Variants in ACAD11 observed in about 807,000 individuals in gnomAD.
The protein encoded by ACAD11 is acyl-Coenzyme A dehydrogenase family, member 11.
A neutral mutation model predicts 102.2 loss-of-function variants in ACAD11; 83 were observed. The ratio of observed to expected loss-of-function variants is 0.81; its 90% CI spans 0.68 to 0.97. The LOEUF is 0.97. Ranked by LOEUF, ACAD11 falls within the 50% of genes least tolerant of loss-of-function variation. ACAD11 has a pLI of 0.00. For missense variants in ACAD11, 901 were observed against 951.7 expected (o/e 0.95, Z 0.70); for synonymous variants, 324 against 319.8 (o/e 1.01, Z -0.14).
intron 15 of ACAD11, among the ~76,000 whole-genome samples, chr3:132,577,221 T>C (rs1937536479): frequency 6.8e-6 from 1 of 147,508 alleles, no homozygotes; most frequent in Non-Finnish European, 1.5e-5. Context: ...AGAAACCCTT[T>C]GATCCAGATG....
intron 15 of ACAD11, among the ~76,000 whole-genome samples, chr3:132,577,616 G>A (rs1005217697): frequency 6.6e-6 from 1 of 152,118 alleles, no homozygotes; most frequent in Non-Finnish European, 1.5e-5. Context: ...ACTGAGGCCA[G>A]GAACACGTTC....
chr3:132,641,962 G>T lies in ACAD11; in HGVS notation c.537+10C>A. On this transcript the variant is annotated intron_variant, in intron 4 of 19. Coordinates refer to ENST00000264990, the MANE Select transcript of ACAD11 (RefSeq NM_032169.5). ...CTTGAAAAAAATAGCTATTAATGTG[G>T]ATGCATTACCTGTCTTTTGCAGTAC... 1.3e-6 allele frequency: 2 copies of T among 1,584,754 alleles called. No individual in the cohort carries two copies. The highest frequency in any genetic ancestry group is 1.7e-6 in the Non-Finnish European group (2 of 1,162,490).
intron 13 of ACAD11, among the ~76,000 whole-genome samples, chr3:132,599,814 T>C (rs952394850): frequency 6.6e-6 from 1 of 152,100 alleles, no homozygotes; most frequent in African/African-American, 2.4e-5. Flanking sequence ...CTAAAGGAGA[T>C]CTTGTTTTAT....
chr3:132,593,353 A>G (rs190295665), intron 13 of ACAD11, among the ~76,000 whole-genome samples: 2 of 152,312 alleles, frequency 1.3e-5, no homozygotes, highest in Non-Finnish European at 2.9e-5. Context: ...TAAGAATAAT[A>G]AAAGAGATTT....
At chr3:132,571,388 G>T in intron 17 of ACAD11, among the ~76,000 whole-genome samples, 2 of 143,130 alleles carry the variant, frequency 1.4e-5, no homozygotes, top group Admixed American at 7.0e-5. Flanking sequence ...CCTTATAGAT[G>T]TTGGATGTTA....
intron 4 of ACAD11, among the ~76,000 whole-genome samples, chr3:132,640,539 G>GT (rs1255696415): frequency 1.3e-5 from 2 of 152,122 alleles, no homozygotes; most frequent in African/African-American, 4.8e-5. Flanking sequence ...GGACCATATT[G>GT]TTTATTTGCT....
intron 1 of ACAD11, among the ~76,000 whole-genome samples, chr3:132,649,563 C>A (rs1940854384): frequency 6.6e-6 from 1 of 152,218 alleles, no homozygotes; most frequent in Non-Finnish European, 1.5e-5. Context: ...CCCACTATCA[C>A]CCTGCTGTCC....
intron 5 of ACAD11, among the ~76,000 whole-genome samples, chr3:132,635,071 TA>T (rs1161349540): frequency 6.7e-6 from 1 of 149,590 alleles, no homozygotes; most frequent in Non-Finnish European, 1.5e-5. Flanking sequence ...TAAATATATA[TA>T]AAATAAAAAT....
At chr3:132,623,280 A>G (rs1448189085) in intron 9 of ACAD11, among the ~76,000 whole-genome samples, 1 of 152,188 alleles carries the variant, frequency 6.6e-6, no homozygotes, top group Non-Finnish European at 1.5e-5. Context: ...GTATTGTATT[A>G]TATGATACAA....
chr3:132,579,009 G>C (rs1937561638), intron 14 of ACAD11, 128 bp from the exon 15 acceptor site: 1 of 1,528,534 alleles, frequency 6.5e-7, no homozygotes, highest in East Asian at 2.5e-5. Context: ...ACTGGAATGG[G>C]AACTGTGTAA....
rs770146394 is a variant in ACAD11, at chr3:132,639,656, C to A, written c.538G>T (p.Val180Leu). The A allele has an allele frequency of 1.9e-6, 3 of 1,605,180 alleles. No homozygotes were observed. The South Asian group carries it at 3.4e-5, about 18-fold the overall frequency. The change falls in exon 5 of 20, where the codon GTA (valine) becomes TTA (leucine). Residue 180 changes from valine (V) to leucine (L), a missense_variant and splice_region_variant. Val to Leu is a conservative substitution (Grantham distance 32). Transcript: ENST00000264990. ...GIGAGYCKRQ[V>L]STWTKQYQAA... ...TGATATTGCTTTGTCCAGGTTGATACCTAAAGACATATAAATAAGAAAAAT... is the reference window on the plus strand; with the variant it reads ...TGATATTGCTTTGTCCAGGTTGATAACTAAAGACATATAAATAAGAAAAAT...
intron 11 of ACAD11, among the ~76,000 whole-genome samples, chr3:132,611,647 C>T (rs921888601): frequency 2.0e-5 from 3 of 151,920 alleles, no homozygotes; most frequent in African/African-American, 7.3e-5. Flanking sequence ...GAATAAAATA[C>T]CTAGGAATCC....
At chr3:132,654,954 T>C (rs1454169583) in intron 1 of ACAD11, among the ~76,000 whole-genome samples, 1 of 152,246 alleles carries the variant, frequency 6.6e-6, no homozygotes, top group African/African-American at 2.4e-5. Flanking sequence ...GCTCCTAGGC[T>C]ATAAACCTGT....
chr3:132,590,962 C>T (rs1938048560), intron 13 of ACAD11, among the ~76,000 whole-genome samples: 1 of 152,170 alleles, frequency 6.6e-6, no homozygotes, highest in African/African-American at 2.4e-5. Flanking sequence ...GTTGTCTGCT[C>T]ACTCTGCTGA....
chr3:132,628,443 C>A lies in ACAD11; in HGVS notation c.967G>T (p.Val323Leu), dbSNP rs1406516981. 6.3e-7 allele frequency: 1 copy of A among 1,582,706 alleles called. No homozygotes were observed. The highest frequency in any genetic ancestry group is 8.6e-7 in the Non-Finnish European group (1 of 1,158,954). Residue 323 changes from valine to leucine, a missense_variant, in exon 8 of 20, where the codon GTA becomes TTA. By Grantham distance (32) the Val-to-Leu change is conservative (BLOSUM62 1). Coordinates refer to ENST00000264990, the MANE Select transcript of ACAD11 (RefSeq NM_032169.5). Reference sequence around the variant, plus strand: ...TTTCCCAGAAGATATCTGCTATATACTCCCTATAAATAAACATAGAACAAT... The same window carrying A: ...TTTCCCAGAAGATATCTGCTATATAATCCCTATAAATAAACATAGAACAAT... ...YFKMAGIAQG[V>L]YSRYLLGNNS...
rs1219689813 is a variant in ACAD11 at position 132,586,151 on chromosome 3, G to C, written c.1622-6593C>G. On this transcript the variant is annotated intron_variant, in intron 13 of 19. Transcript: ENST00000264990. The stretch of plus-strand genomic sequence containing the variant: ...TGTGGCACATATACACCATGGAATA[G>C]TACACAGCCATAAAAAATGATGAGT... 1.5e-4 allele frequency among the ~76,000 whole-genome samples: 23 copies of C among 152,114 alleles called. 1 individual carries two copies. The highest frequency in any genetic ancestry group is 6.6e-4 in the Admixed American group (10 of 15,266).
At chr3:132,623,200 T>TTGAAAATATC (rs1265797685) in intron 9 of ACAD11, among the ~76,000 whole-genome samples, 4 of 152,170 alleles carry the variant, frequency 2.6e-5, no homozygotes, top group African/African-American at 9.7e-5. Flanking sequence ...TATAGAAAAT[T>TTGAAAATATC]TGAAAATATC....
chr3:132,631,114 T>C (rs1195881317), intron 6 of ACAD11, among the ~76,000 whole-genome samples: 3 of 151,918 alleles, frequency 2.0e-5, no homozygotes, highest in Non-Finnish European at 4.4e-5. Flanking sequence ...GTAAAAAACG[T>C]GCACGTTGTG....
chr3:132,566,776 G>A (rs1269894673), intron 17 of ACAD11, among the ~76,000 whole-genome samples: 1 of 152,102 alleles, frequency 6.6e-6, no homozygotes, highest in Non-Finnish European at 1.5e-5. Context: ...GTTAAAGGAA[G>A]TTCTCTAAAT....
Sources: gnomAD v4.1 joint callset for allele counts (sites outside exome capture counted in the v4.1 genomes callset) on GRCh38, gnomAD v4.1.1 for gene constraint, MANE v1.5 for transcripts, NCBI Gene and HGNC (gene_info 2026-07-23, HGNC 2026-07-21) for gene names.